The following KDM5C variants were observed in gnomAD, a reference collection of about 807,000 sequenced individuals.
The protein encoded by KDM5C is lysine demethylase 5C, also known as lysine-specific demethylase 5C.
Under a neutral mutation model 110.6 loss-of-function variants are expected in KDM5C, and 16 were observed. That is an observed-to-expected ratio of 0.14 (90% CI 0.10 to 0.22). The LOEUF (loss-of-function observed/expected upper bound fraction) is 0.22. Among genes scored for constraint, KDM5C ranks in the 10% least tolerant of loss-of-function variants. The pLI is 1.00. For missense variants in KDM5C, 681 were observed against 1,300.9 expected (o/e 0.52, Z 7.33); for synonymous variants, 511 against 520.4 (o/e 0.98, Z 0.24).
chrX:53,184,310 G>A (rs1934156445), intron 25 of KDM5C, among the ~76,000 whole-genome samples: 1 of 111,448 alleles, frequency 9.0e-6, no homozygotes, highest in African/African-American at 3.3e-5. Flanking sequence ...CATGATCATA[G>A]CTCACTACAG....
At chrX:53,221,668 C>T in intron 1 of KDM5C, 1 of 834,490 alleles carries the variant, frequency 1.2e-6, no homozygotes, top group African/African-American at 2.1e-5. Context: ...GAACAGGGAG[C>T]AAGTATGTGT....
At chrX:53,221,190 T>G (rs1556854557) in intron 1 of KDM5C, among the ~76,000 whole-genome samples, 1 of 108,860 alleles carries the variant, frequency 9.2e-6, no homozygotes, top group East Asian at 2.9e-4. Context: ...GTGCCAGGAT[T>G]TCAAGAAATT....
Position 53,196,811 on chromosome X carries a change from T to A in KDM5C, c.2856A>T (p.Gly952=), listed in dbSNP as rs1556837254. 1 of 1,211,561 alleles carries A rather than the reference T, an allele frequency of 8.3e-7. No homozygotes were observed. Among genetic ancestry groups the A allele is most frequent in the Non-Finnish European group, 1.1e-6 (1 of 895,176 alleles). ...CTACACTGGCACCCGCGACCAACAG[T>A]CCTCGCATGACAGCCAAGGTGCCCC... ...ARRGTLAVMR[G]LLVAGASVAP... The change falls in exon 19 of 26, where the codon GGA becomes GGT. Residue 952 remains glycine, a synonymous_variant. Coordinates refer to ENST00000375401, the MANE Select transcript of KDM5C (RefSeq NM_004187.5).
intron 12 of KDM5C, among the ~76,000 whole-genome samples, chrX:53,208,526 T>G (rs1416727545): frequency 1.3e-5 from 1 of 77,443 alleles, no homozygotes; most frequent in Non-Finnish European, 2.4e-5. Flanking sequence ...TTTTTTGAAA[T>G]GGAGTCTCTC....
At chrX:53,180,820 G>A (rs1327623424) in intron 25 of KDM5C, among the ~76,000 whole-genome samples, 3 of 88,079 alleles carry the variant, frequency 3.4e-5, no homozygotes, top group African/African-American at 4.2e-5. Flanking sequence ...TCCACCCCCC[G>A]GGGGTTCACC....
At chrX:53,222,881 C>T (rs891717547) in intron 1 of KDM5C, among the ~76,000 whole-genome samples, 5 of 111,399 alleles carry the variant, frequency 4.5e-5, no homozygotes, top group Non-Finnish European at 9.4e-5. Flanking sequence ...AGGTACCCAC[C>T]CATATACAGG....
In KDM5C at chrX:53,211,531, C is replaced by T. The variant is rs1418726370; in HGVS notation, c.1367G>A (p.Ser456Asn). 5.0e-6 allele frequency: 6 copies of T among 1,210,379 alleles called. No homozygotes were observed. The highest frequency in any genetic ancestry group is 6.7e-6 in the Non-Finnish European group (6 of 895,255). The change falls in exon 10 of 26, where the codon AGT becomes AAT. Residue 456 changes from serine to asparagine, a missense_variant. By Grantham distance (46) the Ser-to-Asn change is conservative (BLOSUM62 1). Around this residue, in one of 14 missense-constraint regions of KDM5C, gnomAD observed 41 missense variants for 205.9 expected, o/e 0.20. Coordinates refer to ENST00000375401, the MANE Select transcript of KDM5C (RefSeq NM_004187.5). The part of the protein sequence containing the change: ...SKEFGSGFPV[S>N]DSKRHLTPEE... ...GGGGGTTAGGTGCCGTTTACTGTCA[C>T]TGACAGGGAAACCGCTGCCAAATTC...
downstream of KDM5C, among the ~76,000 whole-genome samples, chrX:53,190,433 G>A (rs1297005267): frequency 1.8e-5 from 2 of 112,392 alleles, no homozygotes; most frequent in African/African-American, 6.5e-5. Context: ...GTTGCTTCAG[G>A]TTGTAGGCAC....
rs931224903 is a variant in KDM5C at position 53,219,345 on chromosome X, C to G, written c.229-947G>C. On this transcript the variant is annotated intron_variant, in intron 2 of 25. Transcript: ENST00000375401. ...GCACATGCACCTCCTTATGTACCAC[C>G]AAACTTGTTCCATGGTGGCTAAAGG... Among the ~76,000 whole-genome samples, 6 of 112,503 alleles carry G rather than the reference C, an allele frequency of 5.3e-5. No homozygotes were observed. The Admixed American group carries it at 5.6e-4, about 11-fold the overall frequency.
chrX:53,176,460 G>T (rs1455509567), exon 26 of KDM5C, among the ~76,000 whole-genome samples: 2 of 111,667 alleles, frequency 1.8e-5, no homozygotes, highest in African/African-American at 6.5e-5. Context: ...TTGGATGAGG[G>T]GTCTGGTGTC....
At chrX:53,178,876 T>A (rs782594706) in intron 25 of KDM5C, among the ~76,000 whole-genome samples, 2 of 112,179 alleles carry the variant, frequency 1.8e-5, no homozygotes, top group South Asian at 7.4e-4. Flanking sequence ...GGTGAGTGGA[T>A]CAGCTGAGGT....
intron 12 of KDM5C, among the ~76,000 whole-genome samples, chrX:53,206,926 G>A (rs1251980496): frequency 2.2e-5 from 2 of 92,693 alleles, no homozygotes; most frequent in African/African-American, 4.1e-5. Context: ...TGTAATCCCA[G>A]CACTTTGGGA....
intron 8 of KDM5C, among the ~76,000 whole-genome samples, 169 bp from the exon 9 acceptor site, chrX:53,212,075 C>G (rs1174391148): frequency 8.9e-6 from 1 of 111,882 alleles, no homozygotes; most frequent in East Asian, 2.8e-4. Flanking sequence ...CTTACCACTT[C>G]GGCTTAGTCT....
rs1556832367 is a variant in KDM5C at position 53,193,147 on chromosome X, CTCCTCCTCCAGCTCT to C, written c.4488_4502del (p.Glu1497_Glu1501del). On this transcript the variant is annotated inframe_deletion, in exon 26 of 26. Coordinates refer to ENST00000375401, the MANE Select transcript of KDM5C (RefSeq NM_004187.5). ...GTGCAGGGGGGCCCTCACCCCCAGT[CTCCTCCTCCAGCTCT>C]TCCTCCTCCTGGACCTCCTCAGCCT... is the stretch of plus-strand genomic sequence containing the variant. The C allele has an allele frequency of 2.5e-6, 3 of 1,210,838 alleles. No individual in the cohort carries two copies. Among genetic ancestry groups the C allele is most frequent in the East Asian group, 3.0e-5 (1 of 33,729 alleles).
chrX:53,215,799 T>G lies in KDM5C; in HGVS notation c.959A>C (p.Gln320Pro), dbSNP rs1556851488. 8.3e-7 allele frequency: 1 copy of G among 1,211,054 alleles called. No individual in the cohort carries two copies. The highest frequency in any genetic ancestry group is 3.0e-5 in the East Asian group (1 of 33,830). The change falls in exon 7 of 26, where the codon CAG becomes CCG. Residue 320 changes from glutamine to proline, a missense_variant. By Grantham distance (76) the Gln-to-Pro change is moderately conservative. Around this residue, in one of 14 missense-constraint regions of KDM5C, gnomAD observed 71 missense variants for 115.0 expected, o/e 0.62. Transcript: ENST00000375401. ...MRLRRNHSNA[Q>P]FIESYVCRMC... is the part of the protein sequence containing the mutation. ...AAGTCAGGGCTGGGTCCTTACAAAC[T>G]GGGCATTGCTGTGGTTCCTCCGTAG...
intron 8 of KDM5C, 113 bp from the exon 9 acceptor site, chrX:53,212,019 T>G: frequency 5.4e-6 from 5 of 928,438 alleles, no homozygotes; most frequent in Non-Finnish European, 6.1e-6. Flanking sequence ...AGGTCTGCAC[T>G]CAAGGCCCCT....
chrX:53,199,163 G>C lies in KDM5C; in HGVS notation c.2062-5C>G, dbSNP rs1556840308. The C allele has an allele frequency of 8.3e-7, 1 of 1,210,580 alleles. No individual in the cohort carries two copies. The highest frequency in any genetic ancestry group is 2.2e-5 in the Admixed American group (1 of 45,981). On this transcript the variant is annotated splice_polypyrimidine_tract_variant and splice_region_variant and intron_variant, in intron 14 of 25. Coordinates refer to ENST00000375401, the MANE Select transcript of KDM5C (RefSeq NM_004187.5). ...TCGCTCAGCCTCTGTGATACCCTAAGGGCATTTAACCTATGCGTTATATAT... is the reference window on the plus strand; with the variant it reads ...TCGCTCAGCCTCTGTGATACCCTAACGGCATTTAACCTATGCGTTATATAT...
rs782134829 is a variant in KDM5C at position 53,194,412 on chromosome X, C to T, written c.3765G>A (p.Leu1255=). Residue 1255 remains leucine (L), a synonymous_variant, in exon 23 of 26, where the codon CTG becomes CTA. Transcript: ENST00000375401. ...PLCMRSRRPR[L]ETILALLVAL... is the part of the protein sequence containing the mutation. ...CTACCAGCAGTGCCAGGATGGTCTC[C>T]AGGCGCGGGCGCCTTGAGCGCATAC... The T allele has an allele frequency of 8.3e-7, 1 of 1,211,059 alleles. No individual in the cohort carries two copies. Among genetic ancestry groups the T allele is most frequent in the South Asian group, 1.8e-5 (1 of 56,791 alleles).
At chrX:53,209,501 A>T (rs2073493356) in intron 12 of KDM5C, among the ~76,000 whole-genome samples, 1 of 112,377 alleles carries the variant, frequency 8.9e-6, no homozygotes, top group Non-Finnish European at 1.9e-5. Context: ...CCTACTGTAC[A>T]GATATCTAGG....
Sources: gnomAD v4.1 joint callset for allele counts (sites outside exome capture counted in the v4.1 genomes callset) on GRCh38, gnomAD v4.1.1 for gene constraint, gnomAD v4.1.1 regional missense constraint, MANE v1.5 for transcripts, NCBI Gene and HGNC (gene_info 2026-07-23, HGNC 2026-07-21) for gene names.